Variants in BABAM2 observed in about 807,000 individuals in gnomAD.
BABAM2 encodes the protein BRISC and BRCA1 A complex member 2, also known as BRISC and BRCA1-A complex member 2.
Under a neutral mutation model 54.7 loss-of-function variants are expected in BABAM2, and 31 were observed. The ratio of observed to expected loss-of-function variants is 0.57; its 90% CI spans 0.43 to 0.77. The LOEUF is 0.77. Among genes scored for constraint, BABAM2 ranks in the 30% least tolerant of loss-of-function variants. The probability of loss-of-function intolerance (pLI) is 0.00; values close to 1 mark genes in which losing one functional copy is unlikely to be tolerated. For missense variants in BABAM2, 364 were observed against 455.8 expected (o/e 0.80, Z 1.83); for synonymous variants, 167 against 162.9 (o/e 1.03, Z -0.19).
rs191197434 is a variant in BABAM2 at position 28,133,730 on chromosome 2, A to G, written c.680+4350A>G. Among the ~76,000 whole-genome samples the G allele has an allele frequency of 9.2e-5, 14 of 152,362 alleles. No individual in the cohort carries two copies. In the East Asian group the frequency reaches 2.7e-3, roughly 29 times the overall value. ...CCAGCAATTGGAAAAGAAAAGGGCTACTTTTGGGTCTTGTCATCATATGTA... is the reference window on the plus strand; with the variant it reads ...CCAGCAATTGGAAAAGAAAAGGGCTGCTTTTGGGTCTTGTCATCATATGTA... On this transcript the variant is annotated intron_variant, in intron 7 of 11. Coordinates refer to ENST00000379624, the MANE Select transcript of BABAM2 (RefSeq NM_199191.3).
At chr2:28,320,673 T>C (rs1689955280) in intron 11 of BABAM2, among the ~76,000 whole-genome samples, 2 of 152,230 alleles carry the variant, frequency 1.3e-5, no homozygotes, top group South Asian at 2.1e-4. Flanking sequence ...TAGTGGAACA[T>C]GGGTGCACCC....
intron 5 of BABAM2, among the ~76,000 whole-genome samples, chr2:28,039,480 C>T (rs1360059219): frequency 2.0e-5 from 3 of 152,218 alleles, no homozygotes; most frequent in African/African-American, 7.2e-5. Context: ...TTTCAGAGTC[C>T]ATTTGAAGAA....
intron 4 of BABAM2, among the ~76,000 whole-genome samples, chr2:27,993,574 T>C (rs1456634661): frequency 6.6e-6 from 1 of 152,156 alleles, no homozygotes; most frequent in Admixed American, 6.5e-5. Context: ...CACTTTAACT[T>C]AAAATGAAGT....
intron 4 of BABAM2, among the ~76,000 whole-genome samples, chr2:28,000,601 A>G (rs1469519641): frequency 4.6e-5 from 7 of 152,170 alleles, no homozygotes; most frequent in African/African-American, 1.7e-4. Flanking sequence ...ACTGTGTGCA[A>G]CCCACAGAAG....
rs1676910010 is a variant in BABAM2, at chr2:28,191,569, G to T, written c.681-45633G>T. Among the ~76,000 whole-genome samples the T allele has an allele frequency of 3.3e-5, 5 of 152,198 alleles. 2 individuals carry two copies. Among genetic ancestry groups the T allele is most frequent in the Admixed American group, 3.3e-4 (5 of 15,284 alleles). Reference sequence around the variant, plus strand: ...GAATACGCCTCAGCAATAAAAATGAGTATACTATTGGTACGCACAACAAAA... The same window carrying T: ...GAATACGCCTCAGCAATAAAAATGATTATACTATTGGTACGCACAACAAAA... On this transcript the variant is annotated intron_variant, in intron 7 of 11. Transcript: ENST00000379624.
intron 3 of BABAM2, among the ~76,000 whole-genome samples, chr2:27,965,956 G>T (rs796741196): frequency 4.0e-5 from 6 of 151,264 alleles, no homozygotes; most frequent in African/African-American, 1.5e-4. Flanking sequence ...TATTTGTAAA[G>T]AAGCTGGGCC....
chr2:28,167,052 A>C (rs541997068), intron 7 of BABAM2, among the ~76,000 whole-genome samples: 98 of 152,342 alleles, frequency 6.4e-4, no homozygotes, highest in African/African-American at 2.3e-3. Context: ...ATAGTGTGAA[A>C]AGAGAAAAAG....
chr2:27,907,619 T>C (rs1052026275), intron 2 of BABAM2, among the ~76,000 whole-genome samples: 3 of 152,170 alleles, frequency 2.0e-5, no homozygotes, highest in Non-Finnish European at 4.4e-5. Context: ...TGGAGACGTA[T>C]ATCTCCAAAA....
intron 6 of BABAM2, 95 bp from the exon 7 acceptor site, chr2:28,129,175 AC>A (rs1346924159): frequency 1.7e-6 from 2 of 1,146,112 alleles, no homozygotes; most frequent in African/African-American, 3.0e-5. Context: ...AGGGTAACTC[AC>A]AGTCATGGCT....
At chr2:28,318,142 C>T (rs1464742273) in intron 11 of BABAM2, among the ~76,000 whole-genome samples, 2 of 152,190 alleles carry the variant, frequency 1.3e-5, no homozygotes, top group East Asian at 3.8e-4. Context: ...ATCTCTGTTC[C>T]TCCCACCAAG....
At chr2:28,193,235 A>G (rs1322785716) in intron 7 of BABAM2, among the ~76,000 whole-genome samples, 1 of 152,176 alleles carries the variant, frequency 6.6e-6, no homozygotes, top group Non-Finnish European at 1.5e-5. Flanking sequence ...GCACATTAAA[A>G]AATTAGATTG....
rs1558639513 is a variant in BABAM2, at chr2:27,988,034, G to A, written c.247G>A (p.Asp83Asn). ...TGCCCAATACCCAGAACTGCCTCCC[G>A]ATTTTATCTTTGGAGAAGATGCTGA... ...FNAQYPELPP[D>N]FIFGEDAEFL... Residue 83 changes from aspartate (D) to asparagine (N), a missense_variant, in exon 4 of 12, where the codon GAT becomes AAT. Coordinates refer to ENST00000379624, the MANE Select transcript of BABAM2 (RefSeq NM_199191.3). The A allele has an allele frequency of 1.2e-6, 2 of 1,613,628 alleles. No homozygotes were observed. Among genetic ancestry groups the A allele is most frequent in the Non-Finnish European group, 1.7e-6 (2 of 1,179,686 alleles).
At chr2:28,253,275 G>A (rs1053292925) in intron 10 of BABAM2, among the ~76,000 whole-genome samples, 5 of 151,844 alleles carry the variant, frequency 3.3e-5, no homozygotes, top group Admixed American at 2.6e-4. Flanking sequence ...GGTGGCATGC[G>A]CCTGTAATCC....
intron 4 of BABAM2, among the ~76,000 whole-genome samples, chr2:28,015,007 A>T (rs150083247): frequency 1.3e-5 from 2 of 152,234 alleles, no homozygotes; most frequent in Non-Finnish European, 2.9e-5. Context: ...AAAAATATTC[A>T]TTATTATTGA....
intron 6 of BABAM2, among the ~76,000 whole-genome samples, chr2:28,112,802 G>A (rs1668252263): frequency 6.6e-6 from 1 of 152,142 alleles, no homozygotes; most frequent in Admixed American, 6.5e-5. Flanking sequence ...CACAATGGTT[G>A]AACTAATTTA....
At chr2:28,026,883 TATAGATATATA>T (rs1675807028) in intron 5 of BABAM2, among the ~76,000 whole-genome samples, 1 of 50,528 alleles carries the variant, frequency 2.0e-5, no homozygotes, top group Non-Finnish European at 3.8e-5. Flanking sequence ...TTTATATATA[TATAGATATATA>T]TAAATATATA....
intron 3 of BABAM2, among the ~76,000 whole-genome samples, chr2:27,950,555 A>C (rs997684395): frequency 2.0e-5 from 3 of 152,064 alleles, no homozygotes; most frequent in African/African-American, 7.2e-5. Flanking sequence ...AATTTGCTAA[A>C]GTTTTTTTAG....
intron 6 of BABAM2, among the ~76,000 whole-genome samples, chr2:28,053,808 T>C (rs191014987): frequency 6.6e-6 from 1 of 152,224 alleles, no homozygotes; most frequent in African/African-American, 2.4e-5. Flanking sequence ...TCACAACTAC[T>C]CAACTCTGCT....
chr2:28,311,226 A>G (rs1405783043), intron 11 of BABAM2, among the ~76,000 whole-genome samples: 2 of 148,652 alleles, frequency 1.3e-5, no homozygotes, highest in African/African-American at 2.5e-5. Flanking sequence ...GCGCCACTGC[A>G]CTCCAGCCTA....
Sources: gnomAD v4.1 joint callset for allele counts (sites outside exome capture counted in the v4.1 genomes callset) on GRCh38, gnomAD v4.1.1 for gene constraint, MANE v1.5 for transcripts, NCBI Gene and HGNC (gene_info 2026-07-23, HGNC 2026-07-21) for gene names.